Variants in ABCA7 observed in about 807,000 individuals in gnomAD.
ABCA7 encodes ATP binding cassette subfamily A member 7.
ABCA7 carries 261 observed loss-of-function variants against 227.6 expected under a neutral mutation model. That is an observed-to-expected ratio of 1.15 (90% CI 1.04 to 1.27). The LOEUF is 1.27. Among genes scored for constraint, ABCA7 ranks in the 50% most tolerant of loss-of-function variants. The pLI, the probability that ABCA7 is intolerant of heterozygous loss-of-function variation, is 0.00. For synonymous variants in ABCA7, 1,488 were observed against 1,279.7 expected (o/e 1.16, Z -3.47); for missense variants, 3,331 against 2,924.5 (o/e 1.14, Z -3.21).
In ABCA7 at chr19:1,058,653, G is replaced by A. The variant is rs1377268311; in HGVS notation, c.5185G>A (p.Val1729Met). The A allele has an allele frequency of 2.5e-6, 4 of 1,613,820 alleles. No individual in the cohort carries two copies. The highest frequency in any genetic ancestry group is 1.6e-4 in the Middle Eastern group (1 of 6,084). ...GTTCCAGTCACCCCTGCGCTGGGAG[G>A]TGGTCGGCAAGAACCTCTTGGCCAT... ...RQFQSPLRWE[V>M]VGKNLLAMVI... Residue 1729 changes from valine to methionine, a missense_variant, in exon 38 of 47, where the codon GTG becomes ATG. Coordinates refer to ENST00000263094, the MANE Select transcript of ABCA7 (RefSeq NM_019112.4).
chr19:1,040,591 C>G (rs1294370232), intron 1 of ABCA7, among the ~76,000 whole-genome samples: 1 of 152,188 alleles, frequency 6.6e-6, no homozygotes, highest in Non-Finnish European at 1.5e-5. Flanking sequence ...CCTCTGTCAG[C>G]GTCAGATTCT....
rs1039733309 is a variant in ABCA7, at chr19:1,048,135, C to A, written c.2269+481C>A. On this transcript the variant is annotated intron_variant, in intron 16 of 46. Transcript: ENST00000263094. ...ATCACTCGAGCCCAGGAGGTTGAGG[C>A]TGCTGTGAGCCGTGATCCCACCAGC... Among the ~76,000 whole-genome samples the A allele has an allele frequency of 4.1e-5, 6 of 147,004 alleles. No individual in the cohort carries two copies. In the South Asian group the frequency reaches 1.3e-3, roughly 32 times the overall value.
Position 1,061,380 on chromosome 19 carries a change from G to T in ABCA7, c.5464-402G>T, listed in dbSNP as rs532827915. Among the ~76,000 whole-genome samples, 4 of 121,184 alleles carry T rather than the reference G, an allele frequency of 3.3e-5. 1 individual carries two copies. In the South Asian group the frequency reaches 1.0e-3, roughly 31 times the overall value. The allele number at this position is 121,184 out of a possible 152,430, so 79.5% of individuals were successfully genotyped here. ...CCATTGCGCCGGGGTGACACAGCAA[G>T]GCTCCGTCTCAAAAAAAAAAAAAAA... is the stretch of plus-strand genomic sequence containing the variant. On this transcript the variant is annotated intron_variant, in intron 40 of 46. Coordinates refer to ENST00000263094, the MANE Select transcript of ABCA7 (RefSeq NM_019112.4).
In ABCA7 at chr19:1,051,023, C is replaced by T. The variant is rs761771633; in HGVS notation, c.2655C>T (p.Val885=). The T allele has an allele frequency of 6.2e-7, 1 of 1,612,098 alleles. No individual in the cohort carries two copies. Among genetic ancestry groups the T allele is most frequent in the African/African-American group, 1.3e-5 (1 of 74,904 alleles). ...SMAAIRPHLG[V]CPQYNVLFDM... is the part of the protein sequence containing the mutation. ...CCGCCATCCGGCCCCACCTGGGCGT[C>T]TGTCCTCAGTACAACGTGCTGTTTG... The change falls in exon 19 of 47, where the codon GTC becomes GTT. Residue 885 remains valine, a synonymous_variant. Coordinates refer to ENST00000263094, the MANE Select transcript of ABCA7 (RefSeq NM_019112.4).
chr19:1,048,584 C>T (rs1361199875), intron 16 of ABCA7, among the ~76,000 whole-genome samples: 1 of 149,476 alleles, frequency 6.7e-6, no homozygotes, highest in African/African-American at 2.5e-5. Context: ...CCGAGGTGGG[C>T]AGATCACGAG....
In ABCA7 at chr19:1,058,818, A is replaced by G; in HGVS notation, c.5280-2A>G. 6.3e-7 allele frequency: 1 copy of G among 1,582,470 alleles called. No individual in the cohort carries two copies. The highest frequency in any genetic ancestry group is 1.1e-5 in the South Asian group (1 of 87,994). ...TTAAGCCCACAGATATTCTGTCCCC[A>G]GGCCCAGGGTGAGGTCTCTGCCACT... On this transcript the variant is annotated splice_acceptor_variant, in intron 38 of 46. Coordinates refer to ENST00000263094, the MANE Select transcript of ABCA7 (RefSeq NM_019112.4). LOFTEE classifies it high-confidence loss of function.
At position 1,043,866 on chromosome 19, in the gene ABCA7, G is replaced by A. The variant is rs752619389; in HGVS notation, c.1047+25G>A. The A allele has an allele frequency of 3.1e-5, 50 of 1,601,430 alleles. No homozygotes were observed. The Admixed American group carries it at 7.2e-4, about 23-fold the overall frequency. On this transcript the variant is annotated intron_variant, in intron 10 of 46. Transcript: ENST00000263094. ...GGTGTGCGGGGGTGCTGGGGAGGTG[G>A]GATGTGGCTCCCCGGTGAGGAGGGT... is the stretch of plus-strand genomic sequence containing the variant.
Position 1,053,142 on chromosome 19 carries a change from C to G in ABCA7, c.3221-187C>G, listed in dbSNP as rs148302690. 8.2e-3 allele frequency among the ~76,000 whole-genome samples: 1,248 copies of G among 152,346 alleles called. 13 individuals are homozygous for G. The highest frequency in any genetic ancestry group is 0.028 in the African/African-American group (1,172 of 41,568). ...CTCCTGACCTCAGGTGATCTGCCTG[C>G]TTCAACCCTCAAAGTGCTGGGATTA... On this transcript the variant is annotated intron_variant, in intron 23 of 46. Transcript: ENST00000263094.
Position 1,056,819 on chromosome 19 carries a change from C to T in ABCA7, c.4587-88C>T, listed in dbSNP as rs1018096333. On this transcript the variant is annotated intron_variant, in intron 33 of 46. Transcript: ENST00000263094. This position sits in a 1 kb window ranked among gnomAD's most constrained non-coding sequence, Gnocchi z 4.3. Reference sequence around the variant, plus strand: ...CTGCCACTGCTGACTGCCCCATAGACCTTTGTCCCATCAATGGCGTGTTCA... The same window carrying T: ...CTGCCACTGCTGACTGCCCCATAGATCTTTGTCCCATCAATGGCGTGTTCA... 7.0e-7 allele frequency: 1 copy of T among 1,425,144 alleles called. No homozygotes were observed. Among genetic ancestry groups the T allele is most frequent in the Non-Finnish European group, 9.7e-7 (1 of 1,033,538 alleles). The allele number at this position is 1,425,144 out of a possible 1,614,324, so 88.3% of individuals were successfully genotyped here. A position where few individuals can be genotyped will look rare whatever the true frequency, so the allele number is the denominator to read the frequency against.
Position 1,047,138 on chromosome 19 carries a change from C to T in ABCA7, c.1846-19C>T. On this transcript the variant is annotated intron_variant, in intron 14 of 46. Coordinates refer to ENST00000263094, the MANE Select transcript of ABCA7 (RefSeq NM_019112.4). ...GCCAATCCAGGAGCTGCACCCTAAG[C>T]TCCCGTTGCCTCTCACAGCTGGGAG... 10 of 1,589,588 alleles carry T rather than the reference C, an allele frequency of 6.3e-6. No homozygotes were observed. The highest frequency in any genetic ancestry group is 8.5e-6 in the Non-Finnish European group (10 of 1,171,044).
chr19:1,043,880 G>C, intron 10 of ABCA7, 39 bp downstream of exon 10: 2 of 1,572,494 alleles, frequency 1.3e-6, no homozygotes, highest in Non-Finnish European at 8.7e-7. Context: ...GTGGCTCCCC[G>C]GTGAGGAGGG....
chr19:1,051,111 TCTGC>T (rs1341225578), intron 19 of ABCA7, 40 bp from the exon 20 acceptor site: 6 of 1,611,110 alleles, frequency 3.7e-6, no homozygotes, highest in Non-Finnish European at 5.1e-6. Context: ...CCTCTGGGAC[TCTGC>T]CTGCCATGTG....
At chr19:1,055,997 C>T in intron 31 of ABCA7, 58 bp downstream of exon 31, 1 of 1,555,364 alleles carries the variant, frequency 6.4e-7, no homozygotes, top group Non-Finnish European at 8.7e-7. Context: ...TGCCCTCTGC[C>T]TGCCCCCTGG....
chr19:1,055,958 T>TG lies in ABCA7; in HGVS notation c.4238+23dup. 1 of 1,580,880 alleles carries TG rather than the reference T, an allele frequency of 6.3e-7. No homozygotes were observed. Among genetic ancestry groups the TG allele is most frequent in the Non-Finnish European group, 8.6e-7 (1 of 1,161,970 alleles). The stretch of plus-strand genomic sequence containing the variant: ...AGGTCAGGTGAGGAGGGGTCTAGCT[T>TG]GGGGTCCCCTGCCCCAGTTCCACTC... On this transcript the variant is annotated intron_variant, in intron 31 of 46. Transcript: ENST00000263094.
Position 1,053,407 on chromosome 19 carries a change from T to C in ABCA7, c.3299T>C (p.Val1100Ala). The C allele has an allele frequency of 6.2e-7, 1 of 1,608,080 alleles. No individual in the cohort carries two copies. Among genetic ancestry groups the C allele is most frequent in the Non-Finnish European group, 8.5e-7 (1 of 1,178,834 alleles). ...RLVEELPHEL[V>A]LVLPYTGAHD... ...GTGGAGGAGCTGCCACACGAGCTGGTGCTGGTGCTGCCCTACACGGGTGCC... is the reference window on the plus strand; with the variant it reads ...GTGGAGGAGCTGCCACACGAGCTGGCGCTGGTGCTGCCCTACACGGGTGCC... Residue 1100 changes from valine to alanine, a missense_variant, in exon 24 of 47, where the codon GTG (valine) becomes GCG (alanine). Coordinates refer to ENST00000263094, the MANE Select transcript of ABCA7 (RefSeq NM_019112.4).
chr19:1,052,703 G>A (rs2041879717), intron 23 of ABCA7, among the ~76,000 whole-genome samples: 1 of 134,316 alleles, frequency 7.4e-6, no homozygotes, highest in Non-Finnish European at 1.6e-5. Context: ...GAGAGGAGGA[G>A]GAGGGAGAGG....
At chr19:1,052,766 C>T (rs1305866427) in intron 23 of ABCA7, among the ~76,000 whole-genome samples, 1 of 148,376 alleles carries the variant, frequency 6.7e-6, no homozygotes, top group Non-Finnish European at 1.5e-5. Flanking sequence ...TGAGATGATG[C>T]CCCCATCCCT....
chr19:1,064,558 G>C, intron 45 of ABCA7: 2 of 485,386 alleles, frequency 4.1e-6, no homozygotes, highest in Admixed American at 3.9e-5. Flanking sequence ...TTAGGGGAGG[G>C]CCTGGTTAGT....
chr19:1,049,209 C>G, intron 17 of ABCA7, 57 bp from the exon 18 acceptor site: 2 of 1,533,034 alleles, frequency 1.3e-6, no homozygotes, highest in Non-Finnish European at 1.8e-6. Flanking sequence ...CTCTGAGGGA[C>G]TTGCAGGCCC....
Sources: allele counts gnomAD v4.1 joint callset (sites outside exome capture counted in the v4.1 genomes callset), GRCh38; gene constraint gnomAD v4.1.1; non-coding constraint Gnocchi (gnomAD v3.1); transcripts MANE v1.5; gene names NCBI Gene and HGNC (gene_info 2026-07-23, HGNC 2026-07-21).